The following CNTNAP5 variants were observed in gnomAD, a reference collection of about 807,000 sequenced individuals.
CNTNAP5 encodes contactin associated protein family member 5, also known as contactin-associated protein-like 5.
CNTNAP5 carries 72 observed loss-of-function variants against 150.2 expected under a neutral mutation model. The observed-to-expected ratio is 0.48, with a 90% CI of 0.40 to 0.58. The LOEUF (loss-of-function observed/expected upper bound fraction) is 0.58. Ranked by LOEUF, CNTNAP5 falls within the 20% of genes least tolerant of loss-of-function variation. The probability of loss-of-function intolerance (pLI) is 0.00; values close to 1 mark genes in which losing one functional copy is unlikely to be tolerated. For synonymous variants in CNTNAP5, 672 were observed against 619.8 expected, an observed-to-expected ratio of 1.08 and a Z score of -1.25; for missense variants, 1,636 against 1,626.2, an observed-to-expected ratio of 1.01 and a Z score of -0.10.
chr2:124,053,081 C>T (rs1681752639), intron 1 of CNTNAP5, among the ~76,000 whole-genome samples: 2 of 138,624 alleles, frequency 1.4e-5, no homozygotes, highest in African/African-American at 5.3e-5. Flanking sequence ...TATTCGGAAA[C>T]CATCTGTTTG....
rs560528106 is a variant in CNTNAP5 at position 124,888,759 on chromosome 2, A to G, written c.3437-14123A>G. Among the ~76,000 whole-genome samples the G allele has an allele frequency of 2.0e-5, 3 of 152,006 alleles. No homozygotes were observed. In the East Asian group the frequency reaches 5.8e-4, roughly 30 times the overall value. On this transcript the variant is annotated intron_variant, in intron 21 of 23. Transcript: ENST00000682447. ...TACGTCTTCTTTTAAGAAATGTCTG[A>G]TCATGTCCTTTGCCCTTTTTTTTTA...
At chr2:124,838,205 G>A (rs114897617) in intron 19 of CNTNAP5, among the ~76,000 whole-genome samples, 5,926 of 152,196 alleles carry the variant, frequency 0.039, 157 homozygotes, top group Middle Eastern at 0.082. Flanking sequence ...GCTTAATTCA[G>A]CTTCAACCTT....
intron 13 of CNTNAP5, among the ~76,000 whole-genome samples, chr2:124,654,600 G>T (rs573470052): frequency 6.6e-6 from 1 of 152,180 alleles, no homozygotes; most frequent in East Asian, 1.9e-4. Flanking sequence ...TACTTCACCC[G>T]CTATGTTCTT....
At chr2:124,709,950 T>TC (rs907992239) in intron 13 of CNTNAP5, among the ~76,000 whole-genome samples, 12 of 152,192 alleles carry the variant, frequency 7.9e-5, no homozygotes, top group African/African-American at 2.9e-4. Context: ...TTCTTAGGTT[T>TC]CTCAATGTTG....
At chr2:124,058,191 T>G (rs1282412968) in intron 1 of CNTNAP5, among the ~76,000 whole-genome samples, 1 of 152,078 alleles carries the variant, frequency 6.6e-6, no homozygotes, top group Admixed American at 6.6e-5. Context: ...CCTGGTTGGA[T>G]CATGCTTAAG....
intron 6 of CNTNAP5, among the ~76,000 whole-genome samples, chr2:124,455,674 C>G (rs550387522): frequency 1.0e-3 from 159 of 151,498 alleles, no homozygotes; most frequent in African/African-American, 3.8e-3. Context: ...TAGCTAAACG[C>G]TAGCTAACCA....
intron 21 of CNTNAP5, among the ~76,000 whole-genome samples, chr2:124,885,626 C>A (rs1361927568): frequency 3.3e-5 from 5 of 151,504 alleles, no homozygotes; most frequent in Non-Finnish European, 7.4e-5. Flanking sequence ...CTCATCTTCA[C>A]CCCTCCTCTT....
At chr2:124,090,316 T>G (rs541227691) in intron 1 of CNTNAP5, among the ~76,000 whole-genome samples, 2 of 152,236 alleles carry the variant, frequency 1.3e-5, no homozygotes, top group Non-Finnish European at 2.9e-5. Flanking sequence ...GGGAGGATAT[T>G]GCTTTTCTTT....
chr2:124,694,671 A>G (rs1486331624), intron 13 of CNTNAP5, among the ~76,000 whole-genome samples: 1 of 152,198 alleles, frequency 6.6e-6, no homozygotes, highest in African/African-American at 2.4e-5. Flanking sequence ...ATTTACTGGC[A>G]TAGAGGATGC....
chr2:124,197,700 G>A (rs1040816798), intron 1 of CNTNAP5, among the ~76,000 whole-genome samples: 3 of 151,964 alleles, frequency 2.0e-5, no homozygotes, highest in Admixed American at 6.6e-5. Context: ...CAAACAATAC[G>A]GCCCGGCGCA....
At chr2:124,521,834 C>T (rs13401231) in intron 8 of CNTNAP5, among the ~76,000 whole-genome samples, 2,317 of 152,266 alleles carry the variant, frequency 0.015, 56 homozygotes, top group African/African-American at 0.052. Context: ...TGAAAGAAGT[C>T]AAATGTTCAC....
At chr2:124,491,229 C>G (rs1694016984) in intron 7 of CNTNAP5, among the ~76,000 whole-genome samples, 1 of 152,096 alleles carries the variant, frequency 6.6e-6, no homozygotes, top group Non-Finnish European at 1.5e-5. Flanking sequence ...CTCTTACCCT[C>G]TAACCCTGAC....
chr2:124,029,008 A>G (rs1388016955), intron 1 of CNTNAP5, among the ~76,000 whole-genome samples: 2 of 152,150 alleles, frequency 1.3e-5, no homozygotes, highest in Non-Finnish European at 2.9e-5. Context: ...ATTTTTAACA[A>G]TAAGTATAAG....
intron 13 of CNTNAP5, among the ~76,000 whole-genome samples, chr2:124,652,232 A>T (rs182905345): frequency 6.6e-6 from 1 of 152,128 alleles, no homozygotes; most frequent in Non-Finnish European, 1.5e-5. Context: ...TGTGATTCTC[A>T]TGGATCTTTG....
intron 16 of CNTNAP5, among the ~76,000 whole-genome samples, chr2:124,771,866 C>G (rs979100789): frequency 4.6e-5 from 7 of 151,992 alleles, no homozygotes; most frequent in African/African-American, 1.4e-4. Context: ...AGTGCCATCA[C>G]TACCATCACC....
At chr2:124,795,693 T>C (rs768972110) in intron 18 of CNTNAP5, among the ~76,000 whole-genome samples, 5 of 152,098 alleles carry the variant, frequency 3.3e-5, no homozygotes, top group Non-Finnish European at 7.4e-5. Flanking sequence ...AATTTTTGTA[T>C]TTTTAGTAGA....
intron 3 of CNTNAP5, among the ~76,000 whole-genome samples, chr2:124,348,761 A>G (rs1395397043): frequency 6.6e-6 from 1 of 152,060 alleles, no homozygotes; most frequent in Non-Finnish European, 1.5e-5. Flanking sequence ...AATTTTTCCA[A>G]TATTATATTT....
intron 12 of CNTNAP5, among the ~76,000 whole-genome samples, chr2:124,633,781 G>T (rs1161269437): frequency 6.6e-6 from 1 of 152,152 alleles, no homozygotes; most frequent in African/African-American, 2.4e-5. Context: ...AATCTAGCTG[G>T]AGTCTCCCAA....
In CNTNAP5 at chr2:124,434,600, G is replaced by A; in HGVS notation, c.646G>A (p.Gly216Arg). The A allele has an allele frequency of 6.2e-7, 1 of 1,613,936 alleles. No individual in the cohort carries two copies. Among genetic ancestry groups the A allele is most frequent in the Non-Finnish European group, 8.5e-7 (1 of 1,179,852 alleles). ...GAAGTTCAAGAGCATGCAAGGAGATGGGGTCCTGTTCCATGGAGAAGGTCA... is the reference window on the plus strand; with the variant it reads ...GAAGTTCAAGAGCATGCAAGGAGATAGGGTCCTGTTCCATGGAGAAGGTCA... ...SLKFKSMQGD[G>R]VLFHGEGQRG... The change falls in exon 5 of 24, where the codon GGG (glycine) becomes AGG (arginine). Residue 216 changes from glycine to arginine, a missense_variant. Physicochemically the swap from Gly to Arg is moderately radical, Grantham distance 125. Transcript: ENST00000682447.
Sources: gnomAD v4.1 joint callset for allele counts (sites outside exome capture counted in the v4.1 genomes callset) on GRCh38, gnomAD v4.1.1 for gene constraint, MANE v1.5 for transcripts, NCBI Gene and HGNC (gene_info 2026-07-23, HGNC 2026-07-21) for gene names.